The following EXOC6B variants were observed in gnomAD, a reference collection of about 807,000 sequenced individuals.
EXOC6B encodes exocyst complex component 6B.
Under a neutral mutation model 113.5 loss-of-function variants are expected in EXOC6B, and 54 were observed. That is an observed-to-expected ratio of 0.48 (90% CI 0.38 to 0.60). The LOEUF (loss-of-function observed/expected upper bound fraction) is 0.60. Ranked by LOEUF, EXOC6B falls within the 20% of genes least tolerant of loss-of-function variation. The pLI, the probability that EXOC6B is intolerant of heterozygous loss-of-function variation, is 0.00. For missense variants in EXOC6B, 797 were observed against 977.5 expected (o/e 0.82, Z 2.46); for synonymous variants, 357 against 339.0 (o/e 1.05, Z -0.58).
intron 20 of EXOC6B, among the ~76,000 whole-genome samples, chr2:72,287,833 T>A (rs1007506386): frequency 6.6e-6 from 1 of 152,180 alleles, no homozygotes; most frequent in Non-Finnish European, 1.5e-5. Context: ...AATTTCCTGG[T>A]CCATATAATT....
chr2:72,579,118 A>T (rs1417577053), intron 6 of EXOC6B, among the ~76,000 whole-genome samples: 1 of 152,172 alleles, frequency 6.6e-6, no homozygotes, highest in African/African-American at 2.4e-5. Flanking sequence ...GTAGCAACAG[A>T]TTACAAGAAG....
At chr2:72,674,433 T>G (rs1344243228) in intron 6 of EXOC6B, among the ~76,000 whole-genome samples, 1 of 152,244 alleles carries the variant, frequency 6.6e-6, no homozygotes, top group African/African-American at 2.4e-5. Flanking sequence ...GTTCTTCACC[T>G]TCACACATTT....
chr2:72,353,620 C>G (rs190116266), intron 19 of EXOC6B, among the ~76,000 whole-genome samples: 1 of 151,814 alleles, frequency 6.6e-6, no homozygotes, highest in African/African-American at 2.4e-5. Context: ...GTGATCCGAC[C>G]GCCTCACCCT....
chr2:72,405,759 T>A (rs1289026848), intron 18 of EXOC6B, among the ~76,000 whole-genome samples: 1 of 152,122 alleles, frequency 6.6e-6, no homozygotes, highest in Non-Finnish European at 1.5e-5. Flanking sequence ...TGCCAAATTG[T>A]AAAGACCATC....
intron 20 of EXOC6B, among the ~76,000 whole-genome samples, chr2:72,319,383 T>C (rs1192437693): frequency 6.6e-6 from 1 of 152,174 alleles, no homozygotes; most frequent in African/African-American, 2.4e-5. Context: ...TTTAACCTTG[T>C]ACTGGAGTTC....
Position 72,390,428 on chromosome 2 carries a change from T to C in EXOC6B, c.1981-10558A>G, listed in dbSNP as rs540372357. Among the ~76,000 whole-genome samples, 4 of 152,338 alleles carry C rather than the reference T, an allele frequency of 2.6e-5. No homozygotes were observed. The South Asian group carries it at 8.3e-4, about 32-fold the overall frequency. ...TTATATGGACTGATTTTCTTCCATG[T>C]TATGGATCACATTTTCCTGTTTCTT... On this transcript the variant is annotated intron_variant, in intron 18 of 21. Coordinates refer to ENST00000272427, the MANE Select transcript of EXOC6B (RefSeq NM_015189.3).
intron 1 of EXOC6B, among the ~76,000 whole-genome samples, chr2:72,824,372 G>T (rs1686774631): frequency 6.6e-6 from 1 of 152,170 alleles, no homozygotes; most frequent in Non-Finnish European, 1.5e-5. Context: ...GGAGACAAAA[G>T]GGGACCCTCT....
chr2:72,378,593 A>T lies in EXOC6B; in HGVS notation c.2122+1136T>A, dbSNP rs149506221. The stretch of plus-strand genomic sequence containing the variant: ...TAACTTTGATACCTTTTACTCTGTG[A>T]TGGCTGTAACTAGAAGTCCTATTAA... On this transcript the variant is annotated intron_variant, in intron 19 of 21. Transcript: ENST00000272427. 8.9e-3 allele frequency among the ~76,000 whole-genome samples: 1,360 copies of T among 152,280 alleles called. 10 individuals carry two copies. The highest frequency in any genetic ancestry group is 0.013 in the Non-Finnish European group (868 of 68,008).
At chr2:72,232,327 T>C (rs952245804) in intron 20 of EXOC6B, among the ~76,000 whole-genome samples, 1 of 152,126 alleles carries the variant, frequency 6.6e-6, no homozygotes, top group Non-Finnish European at 1.5e-5. Flanking sequence ...ATACCGGTTA[T>C]AGTGAGATTA....
chr2:72,182,645 G>T (rs1467028239), intron 21 of EXOC6B, among the ~76,000 whole-genome samples: 1 of 151,846 alleles, frequency 6.6e-6, no homozygotes, highest in East Asian at 1.9e-4. Context: ...CCTTTACCTG[G>T]CACAATGGGA....
chr2:72,548,598 C>T (rs888712630), intron 8 of EXOC6B, among the ~76,000 whole-genome samples: 2 of 152,024 alleles, frequency 1.3e-5, no homozygotes, highest in African/African-American at 4.8e-5. Flanking sequence ...TAACAGTCCC[C>T]GTGACTAGAA....
intron 20 of EXOC6B, among the ~76,000 whole-genome samples, chr2:72,187,578 G>T (rs535390691): frequency 1.2e-4 from 18 of 152,118 alleles, no homozygotes; most frequent in Non-Finnish European, 2.4e-4. Flanking sequence ...CTGCAGGCAG[G>T]TTGTCTCGAT....
rs768331445 is a variant in EXOC6B at position 72,474,021 on chromosome 2, C to T, written c.1800+6595G>A. 4.6e-5 allele frequency among the ~76,000 whole-genome samples: 7 copies of T among 150,928 alleles called. No homozygotes were observed. The East Asian group carries it at 5.8e-4, about 13-fold the overall frequency. Reference sequence around the variant, plus strand: ...CTCCTTCATTTATGAAGAATAATTTCGCTGGATATAGTATGTTTGCCCAAC... The same window carrying T: ...CTCCTTCATTTATGAAGAATAATTTTGCTGGATATAGTATGTTTGCCCAAC... On this transcript the variant is annotated intron_variant, in intron 17 of 21. Transcript: ENST00000272427.
intron 1 of EXOC6B, among the ~76,000 whole-genome samples, chr2:72,743,214 TGGA>T (rs1203254812): frequency 6.6e-6 from 1 of 152,176 alleles, no homozygotes; most frequent in African/African-American, 2.4e-5. Flanking sequence ...ACCACCACAA[TGGA>T]CCAATGCAAC....
intron 20 of EXOC6B, among the ~76,000 whole-genome samples, chr2:72,324,765 G>C (rs754625110): frequency 1.3e-5 from 2 of 152,094 alleles, no homozygotes; most frequent in Non-Finnish European, 2.9e-5. Flanking sequence ...GAGGGTTCCT[G>C]AAATTTGTGG....
chr2:72,688,266 C>T (rs1677228104), intron 6 of EXOC6B, among the ~76,000 whole-genome samples: 1 of 152,092 alleles, frequency 6.6e-6, no homozygotes, highest in Non-Finnish European at 1.5e-5. Context: ...GAATCTGAAA[C>T]AAGGATTTGA....
chr2:72,551,221 G>A (rs539090459), intron 8 of EXOC6B, among the ~76,000 whole-genome samples: 4 of 152,114 alleles, frequency 2.6e-5, no homozygotes, highest in East Asian at 3.9e-4. Context: ...CATAAAATCC[G>A]GAGTCTCGCT....
intron 1 of EXOC6B, among the ~76,000 whole-genome samples, chr2:72,753,964 G>C (rs1682227856): frequency 6.6e-6 from 1 of 152,074 alleles, no homozygotes; most frequent in South Asian, 2.1e-4. Context: ...TTTGTTTTGA[G>C]ACAGGGTCTC....
intron 6 of EXOC6B, among the ~76,000 whole-genome samples, chr2:72,640,712 T>C (rs1253744884): frequency 6.6e-6 from 1 of 152,168 alleles, no homozygotes; most frequent in East Asian, 1.9e-4. Context: ...ATGTTGAATA[T>C]TGGCCCCCAA....
Sources: gnomAD v4.1 joint callset for allele counts (sites outside exome capture counted in the v4.1 genomes callset) on GRCh38, gnomAD v4.1.1 for gene constraint, MANE v1.5 for transcripts, NCBI Gene and HGNC (gene_info 2026-07-23, HGNC 2026-07-21) for gene names.